The following PDE10A variants were observed in gnomAD, a reference collection of about 807,000 sequenced individuals.
PDE10A encodes the protein phosphodiesterase 10A.
PDE10A carries 39 observed loss-of-function variants against 97.7 expected under a neutral mutation model. The ratio of observed to expected loss-of-function variants is 0.40; its 90% CI spans 0.31 to 0.52. The LOEUF (loss-of-function observed/expected upper bound fraction) is 0.52. Ranked by LOEUF, PDE10A falls within the 20% of genes least tolerant of loss-of-function variation. The probability of loss-of-function intolerance (pLI) is 0.56; values close to 1 mark genes in which losing one functional copy is unlikely to be tolerated. For synonymous variants in PDE10A, 371 were observed against 376.8 expected (o/e 0.98, Z 0.18); for missense variants, 731 against 1,047.8 (o/e 0.70, Z 4.17).
rs1779637598 is a variant in PDE10A at position 165,823,517 on chromosome 6, T to TAG, written c.-615+164011_-615+164012insCT. On this transcript the variant is annotated intron_variant, in intron 1 of 19. Coordinates refer to the PDE10A transcript ENST00000366882. Reference sequence around the variant, plus strand: ...ATATATATATATATATATATATATATATATATATGAACCTTAATTATAAAT... The same window carrying TAG: ...ATATATATATATATATATATATATATAGATATATATGAACCTTAATTATAAAT... Among the ~76,000 whole-genome samples the TAG allele has an allele frequency of 1.1e-4, 9 of 82,604 alleles. 1 individual carries two copies. The highest frequency in any genetic ancestry group is 2.8e-4 in the Non-Finnish European group (9 of 31,746). 54.2% of individuals were successfully genotyped at this position (82,604 alleles called of 152,430 possible). A position where few individuals can be genotyped will look rare whatever the true frequency, so the allele number is the denominator to read the frequency against.
intron 1 of PDE10A, among the ~76,000 whole-genome samples, chr6:165,905,575 C>T (rs1446188191): frequency 1.3e-5 from 2 of 151,824 alleles, no homozygotes; most frequent in Non-Finnish European, 2.9e-5. Flanking sequence ...ATTAAAAATA[C>T]ATATGTTTAT....
At chr6:165,957,682 G>C (rs957914114) in intron 1 of PDE10A, among the ~76,000 whole-genome samples, 2 of 152,156 alleles carry the variant, frequency 1.3e-5, no homozygotes, top group Admixed American at 6.5e-5. Context: ...TATTAATGAA[G>C]GTGCTGTGCT....
rs147260484 is a variant in PDE10A at position 165,703,847 on chromosome 6, C to T, written c.-614-160279G>A. Among the ~76,000 whole-genome samples the T allele has an allele frequency of 2.9e-3, 444 of 152,292 alleles. 1 individual carries two copies. The highest frequency in any genetic ancestry group is 0.01 in the Middle Eastern group (3 of 294). On this transcript the variant is annotated intron_variant, in intron 1 of 19. Transcript: ENST00000366882. ...GGGCCGACAGCCGCCTCCCCTTGTT[C>T]TCAAATCCTTTGCGAGTCTCCACTG... is the stretch of plus-strand genomic sequence containing the variant.
intron 1 of PDE10A, among the ~76,000 whole-genome samples, chr6:165,793,730 G>A (rs972314692): frequency 2.6e-5 from 4 of 152,208 alleles, no homozygotes; most frequent in Non-Finnish European, 5.9e-5. Context: ...CACAGGGGCT[G>A]GCATTGCCAC....
At chr6:165,799,600 A>G (rs1778927456) in intron 1 of PDE10A, among the ~76,000 whole-genome samples, 1 of 152,210 alleles carries the variant, frequency 6.6e-6, no homozygotes, top group Non-Finnish European at 1.5e-5. Flanking sequence ...CCATTTAATG[A>G]ATATGCATCA....
At chr6:165,794,533 C>T (rs1778774859) in intron 1 of PDE10A, among the ~76,000 whole-genome samples, 1 of 151,878 alleles carries the variant, frequency 6.6e-6, no homozygotes, top group African/African-American at 2.4e-5. Flanking sequence ...CACACCCTCA[C>T]ACACACTCAT....
intron 18 of PDE10A, among the ~76,000 whole-genome samples, chr6:165,372,125 T>C (rs1345983078): frequency 6.7e-6 from 1 of 148,776 alleles, no homozygotes; most frequent in Admixed American, 6.7e-5. Flanking sequence ...AATATCATAC[T>C]GAATGGGCAA....
intron 1 of PDE10A, among the ~76,000 whole-genome samples, chr6:165,741,786 G>A (rs2128453521): frequency 6.6e-6 from 1 of 152,180 alleles, no homozygotes; most frequent in Middle Eastern, 3.4e-3. Context: ...CAAATAGCAA[G>A]GTTTATCCAT....
intron 2 of PDE10A, among the ~76,000 whole-genome samples, chr6:165,507,431 T>C (rs760620179): frequency 9.2e-5 from 14 of 152,190 alleles, no homozygotes; most frequent in South Asian, 2.1e-4. Context: ...TAAATTAATG[T>C]TCCTTTTCCC....
At chr6:165,817,996 C>T (rs1779466591) in intron 1 of PDE10A, among the ~76,000 whole-genome samples, 2 of 152,298 alleles carry the variant, frequency 1.3e-5, no homozygotes, top group Admixed American at 1.3e-4. Flanking sequence ...CATTGCACAT[C>T]GTACTTCACA....
At chr6:165,376,334 C>T (rs142686477) in intron 18 of PDE10A, among the ~76,000 whole-genome samples, 37 of 152,288 alleles carry the variant, frequency 2.4e-4, no homozygotes, top group African/African-American at 8.4e-4. Flanking sequence ...CAAACTTGAA[C>T]GGATGAGGTG....
chr6:165,672,806 G>A (rs1790685163), intron 1 of PDE10A, among the ~76,000 whole-genome samples: 1 of 152,052 alleles, frequency 6.6e-6, no homozygotes, highest in Non-Finnish European at 1.5e-5. Flanking sequence ...TATCAACATC[G>A]TGAAAACGGA....
intron 1 of PDE10A, among the ~76,000 whole-genome samples, chr6:165,824,968 T>TAAAAAAAAA (rs71890265): frequency 7.6e-5 from 7 of 92,354 alleles, no homozygotes; most frequent in Admixed American, 1.3e-4. Context: ...CCGTCTCTAC[T>TAAAAAAAAA]AAAAAAAAAA....
chr6:165,430,416 T>G (rs1347691556), intron 8 of PDE10A, 71 bp from the exon 9 acceptor site: 1 of 907,594 alleles, frequency 1.1e-6, no homozygotes, highest in African/African-American at 1.7e-5. Flanking sequence ...TCCAGAATAC[T>G]AATTACCTTA....
chr6:165,355,466 G>A (rs1308808946), intron 18 of PDE10A, among the ~76,000 whole-genome samples: 2 of 152,176 alleles, frequency 1.3e-5, no homozygotes, highest in Non-Finnish European at 2.9e-5. Flanking sequence ...ATAGTAGTAT[G>A]TAACCACTTT....
chr6:165,606,358 T>C (rs148261904), intron 1 of PDE10A, among the ~76,000 whole-genome samples: 174 of 152,226 alleles, frequency 1.1e-3, no homozygotes, highest in African/African-American at 4.1e-3. Flanking sequence ...GGATTTGTTT[T>C]TCACTCACTG....
At chr6:165,398,941 T>C (rs1163467957) in intron 13 of PDE10A, among the ~76,000 whole-genome samples, 1 of 152,096 alleles carries the variant, frequency 6.6e-6, no homozygotes, top group Non-Finnish European at 1.5e-5. Context: ...AGAATTCTAC[T>C]CGAACTATAA....
intron 1 of PDE10A, among the ~76,000 whole-genome samples, chr6:165,583,096 G>A (rs1049780980): frequency 1.3e-5 from 2 of 152,220 alleles, no homozygotes; most frequent in East Asian, 1.9e-4. Flanking sequence ...TACTATGTGC[G>A]GGGGCAGTAT....
chr6:165,547,096 C>T lies in PDE10A; in HGVS notation c.866-3528G>A, dbSNP rs187281192. Among the ~76,000 whole-genome samples, 3 of 152,168 alleles carry T rather than the reference C, an allele frequency of 2.0e-5. No homozygotes were observed. In the East Asian group the frequency reaches 5.8e-4, roughly 29 times the overall value. ...GATTTAAAATTTGCTACCAGTAAAT[C>T]GCACAGACAGACAAATACAGACAAC... On this transcript the variant is annotated intron_variant, in intron 1 of 21. Coordinates refer to ENST00000539869, the MANE Select transcript of PDE10A (RefSeq NM_001385079.1).
Sources: allele counts gnomAD v4.1 joint callset (sites outside exome capture counted in the v4.1 genomes callset), GRCh38; gene constraint gnomAD v4.1.1; transcripts MANE v1.5; gene names NCBI Gene and HGNC (gene_info 2026-07-23, HGNC 2026-07-21).